Variants in CDH13 observed in about 807,000 individuals in gnomAD.
CDH13 encodes cadherin-13.
Under a neutral mutation model 63.8 loss-of-function variants are expected in CDH13, and 24 were observed. The observed-to-expected ratio is 0.38, with a 90% confidence interval of 0.27 to 0.53. CDH13 has a LOEUF of 0.53. CDH13 is among the 20% of genes least tolerant of loss of function. CDH13 has a pLI of 0.85. For missense variants in CDH13, 1,049 were observed against 903.1 expected (o/e 1.16, Z -2.07); for synonymous variants, 503 against 355.3 (o/e 1.42, Z -4.67).
At chr16:83,418,467 C>G (rs781776394) in intron 6 of CDH13, among the ~76,000 whole-genome samples, 25 of 152,118 alleles carry the variant, frequency 1.6e-4, no homozygotes, top group Non-Finnish European at 1.0e-4. Flanking sequence ...AAATGTCAGA[C>G]TTTCTTACAT....
At chr16:82,753,967 A>G (rs935212171) in intron 1 of CDH13, among the ~76,000 whole-genome samples, 2 of 152,224 alleles carry the variant, frequency 1.3e-5, no homozygotes, top group East Asian at 3.8e-4. Context: ...ACTGTGAATC[A>G]TGAATAAGAT....
intron 5 of CDH13, among the ~76,000 whole-genome samples, chr16:83,221,083 C>T (rs1252504552): frequency 6.6e-6 from 1 of 152,174 alleles, no homozygotes; most frequent in Admixed American, 6.5e-5. Flanking sequence ...ATTTGGGATC[C>T]ATATCCATTT....
At chr16:83,201,506 T>C (rs1472293057) in intron 4 of CDH13, among the ~76,000 whole-genome samples, 1 of 151,882 alleles carries the variant, frequency 6.6e-6, no homozygotes, top group Non-Finnish European at 1.5e-5. Context: ...TGTGGTAAGG[T>C]CCTGGCGAAT....
intron 5 of CDH13, among the ~76,000 whole-genome samples, chr16:83,335,772 G>A (rs979635553): frequency 1.3e-5 from 2 of 152,092 alleles, no homozygotes; most frequent in Non-Finnish European, 2.9e-5. Flanking sequence ...GGTGCATGCA[G>A]ACCCCAGTCA....
At chr16:82,916,347 G>C (rs548264301) in intron 2 of CDH13, among the ~76,000 whole-genome samples, 1 of 152,256 alleles carries the variant, frequency 6.6e-6, no homozygotes, top group Non-Finnish European at 1.5e-5. Context: ...AGGCCGAAGC[G>C]AGTGGATGAC....
chr16:83,555,251 A>C (rs2075579791), intron 7 of CDH13, among the ~76,000 whole-genome samples: 1 of 152,178 alleles, frequency 6.6e-6, no homozygotes, highest in Non-Finnish European at 1.5e-5. Flanking sequence ...CAAGCACAGA[A>C]ACAGGCATAG....
intron 5 of CDH13, among the ~76,000 whole-genome samples, chr16:83,286,575 G>C (rs902540495): frequency 6.6e-6 from 1 of 152,018 alleles, no homozygotes; most frequent in African/African-American, 2.4e-5. Flanking sequence ...TGGCAACACA[G>C]TGAAACCCTG....
At chr16:83,528,514 T>C (rs776675868) in intron 7 of CDH13, among the ~76,000 whole-genome samples, 2 of 152,110 alleles carry the variant, frequency 1.3e-5, no homozygotes, top group South Asian at 4.1e-4. Context: ...TAGTCCCTAG[T>C]GGGGTCGTCT....
At chr16:83,556,270 C>G (rs2075600544) in intron 7 of CDH13, among the ~76,000 whole-genome samples, 1 of 152,130 alleles carries the variant, frequency 6.6e-6, no homozygotes, top group Non-Finnish European at 1.5e-5. Context: ...TAAGCCAGCC[C>G]TAAAAATCCT....
intron 3 of CDH13, among the ~76,000 whole-genome samples, chr16:83,040,501 A>G (rs1917239459): frequency 6.6e-6 from 1 of 152,138 alleles, no homozygotes; most frequent in Non-Finnish European, 1.5e-5. Context: ...CCAAAAGCTG[A>G]AGAACTTGGA....
chr16:83,498,584 G>A lies in CDH13; in HGVS notation c.960+11929G>A, dbSNP rs2074201007. Among the ~76,000 whole-genome samples the A allele has an allele frequency of 2.0e-5, 3 of 152,142 alleles. No individual in the cohort carries two copies. In the South Asian group the frequency reaches 6.2e-4, roughly 32 times the overall value. ...TTTATATGGCATTTGACTTTGATAGGAATCTAATGAGGTCAGTAAAGTGCC... is the reference window on the plus strand; with the variant it reads ...TTTATATGGCATTTGACTTTGATAGAAATCTAATGAGGTCAGTAAAGTGCC... On this transcript the variant is annotated intron_variant, in intron 7 of 13. Transcript: ENST00000567109.
chr16:83,145,734 C>G (rs6565136), intron 4 of CDH13, among the ~76,000 whole-genome samples: 46,086 of 152,032 alleles, frequency 0.3, 8,218 homozygotes, highest in African/African-American at 0.5. Context: ...TTACTGAGTA[C>G]TTGTCATTGC....
chr16:83,724,337 G>A (rs1376490536), intron 10 of CDH13, among the ~76,000 whole-genome samples: 2 of 151,084 alleles, frequency 1.3e-5, no homozygotes, highest in East Asian at 2.0e-4. Context: ...AGTGTGGAAT[G>A]CATGGCTGAG....
At chr16:82,724,131 G>A (rs2032949279) in intron 1 of CDH13, among the ~76,000 whole-genome samples, 1 of 152,228 alleles carries the variant, frequency 6.6e-6, no homozygotes, top group South Asian at 2.1e-4. Flanking sequence ...CAATTGTGCA[G>A]GGTAAAGAGG....
At chr16:83,507,231 A>T (rs1473300446) in intron 7 of CDH13, among the ~76,000 whole-genome samples, 2 of 152,186 alleles carry the variant, frequency 1.3e-5, no homozygotes, top group Non-Finnish European at 2.9e-5. Flanking sequence ...TGTCACAAGG[A>T]AAAGCAATAT....
At chr16:83,601,858 G>T (rs536892233) in intron 7 of CDH13, among the ~76,000 whole-genome samples, 53 of 152,086 alleles carry the variant, frequency 3.5e-4, no homozygotes, top group African/African-American at 1.3e-3. Flanking sequence ...ACTTTGGGAG[G>T]CTGAGGCAGG....
chr16:82,978,026 C>T (rs547495638), intron 2 of CDH13, among the ~76,000 whole-genome samples: 2 of 152,230 alleles, frequency 1.3e-5, no homozygotes, highest in African/African-American at 4.8e-5. Context: ...AGGTGACTCT[C>T]GTTATGTTTT....
chr16:82,968,087 C>T (rs1007438872), intron 2 of CDH13, among the ~76,000 whole-genome samples: 2 of 152,196 alleles, frequency 1.3e-5, no homozygotes, highest in African/African-American at 4.8e-5. Flanking sequence ...AAGCTCCCCC[C>T]AACTTAAGAA....
At chr16:82,741,082 C>T (rs1335509724) in intron 1 of CDH13, among the ~76,000 whole-genome samples, 1 of 152,294 alleles carries the variant, frequency 6.6e-6, no homozygotes, top group South Asian at 2.1e-4. Context: ...CCCACACCCC[C>T]AAACCCAACA....
Sources: allele counts gnomAD v4.1 joint callset (sites outside exome capture counted in the v4.1 genomes callset), GRCh38; gene constraint gnomAD v4.1.1; transcripts MANE v1.5; gene names NCBI Gene and HGNC (gene_info 2026-07-23, HGNC 2026-07-21).